The following XKR6 variants were observed in gnomAD, a reference collection of about 807,000 sequenced individuals.
XKR6 encodes the protein XK-related protein 6.
Under a neutral mutation model 56.7 loss-of-function variants are expected in XKR6, and 22 were observed. That is an observed-to-expected ratio of 0.39 (90% CI 0.28 to 0.55). The LOEUF (loss-of-function observed/expected upper bound fraction) is 0.55, where lower values mean the gene tolerates loss of function less well. Among genes scored for constraint, XKR6 ranks in the 20% least tolerant of loss-of-function variants. The pLI is 0.66. For synonymous variants in XKR6, 524 were observed against 387.8 expected, an observed-to-expected ratio of 1.35 and a Z score of -4.13; for missense variants, 852 against 889.0, an observed-to-expected ratio of 0.96 and a Z score of 0.53.
intron 1 of XKR6, among the ~76,000 whole-genome samples, chr8:11,019,774 C>T (rs1798708592): frequency 6.6e-6 from 1 of 152,204 alleles, no homozygotes; most frequent in Non-Finnish European, 1.5e-5. Flanking sequence ...CAACCTTCAG[C>T]TAAAAGTAGG....
chr8:11,009,435 TG>T (rs1192142595), intron 1 of XKR6, among the ~76,000 whole-genome samples: 1 of 152,102 alleles, frequency 6.6e-6, no homozygotes, highest in Non-Finnish European at 1.5e-5. Flanking sequence ...CACCTGAGCC[TG>T]GGGAAGTTGA....
chr8:10,984,726 C>CTATA (rs1403239181), intron 1 of XKR6, among the ~76,000 whole-genome samples: 138 of 70,242 alleles, frequency 2.0e-3, no homozygotes, highest in African/African-American at 7.0e-3. Context: ...CTCTCTCTCT[C>CTATA]TCTCTCTATA....
chr8:11,123,211 T>C (rs1226317938), intron 1 of XKR6, among the ~76,000 whole-genome samples: 1 of 139,104 alleles, frequency 7.2e-6, no homozygotes, highest in African/African-American at 2.7e-5. Context: ...CACTCCAGCC[T>C]GGGTGGCAGA....
intron 2 of XKR6, among the ~76,000 whole-genome samples, chr8:10,921,254 A>C (rs35950330): frequency 0.2 from 31,108 of 152,286 alleles, 3,467 homozygotes; most frequent in Non-Finnish European, 0.23. Context: ...AAGGACAGGC[A>C]TAACAAGGAG....
intron 1 of XKR6, among the ~76,000 whole-genome samples, chr8:10,945,587 C>T (rs939368966): frequency 2.0e-4 from 30 of 152,220 alleles, no homozygotes; most frequent in Non-Finnish European, 4.1e-4. Context: ...CCCAGAAGGA[C>T]AGAGACCAAG....
At chr8:11,017,378 C>T (rs1798649915) in intron 1 of XKR6, among the ~76,000 whole-genome samples, 1 of 152,240 alleles carries the variant, frequency 6.6e-6, no homozygotes, top group African/African-American at 2.4e-5. Context: ...GCTGCTTACG[C>T]CGGGCAAACT....
intron 1 of XKR6, among the ~76,000 whole-genome samples, chr8:11,036,270 A>T (rs1442713859): frequency 6.6e-6 from 1 of 152,200 alleles, no homozygotes; most frequent in East Asian, 1.9e-4. Context: ...CTTACCAGGC[A>T]GAGAGAGAAG....
At chr8:11,076,455 T>G (rs531804930) in intron 1 of XKR6, among the ~76,000 whole-genome samples, 1 of 152,242 alleles carries the variant, frequency 6.6e-6, no homozygotes, top group Admixed American at 6.5e-5. Flanking sequence ...GCCTGACCCT[T>G]ACCCCATCAG....
Position 11,200,546 on chromosome 8 carries a change from C to A in XKR6, c.764+30G>T, listed in dbSNP as rs1310619530. On this transcript the variant is annotated intron_variant, in intron 1 of 2. Coordinates refer to ENST00000416569, the MANE Select transcript of XKR6 (RefSeq NM_173683.4). The surrounding 1 kb of genome is among the most constrained non-coding windows in gnomAD (Gnocchi z 6.4). Reference sequence around the variant, plus strand: ...AGGGCGGAGGGGGGCTCCTCAGGGCCGGCCCGCCCCCACCCCGCAGTGCTC... The same window carrying A: ...AGGGCGGAGGGGGGCTCCTCAGGGCAGGCCCGCCCCCACCCCGCAGTGCTC... 4.9e-6 allele frequency: 7 copies of A among 1,435,510 alleles called. No homozygotes were observed. Among genetic ancestry groups the A allele is most frequent in the South Asian group, 1.5e-5 (1 of 66,042 alleles). The allele number at this position is 1,435,510 out of a possible 1,614,324, so 88.9% of individuals were successfully genotyped here.
chr8:11,058,685 C>A (rs1396491227), intron 1 of XKR6, among the ~76,000 whole-genome samples: 2 of 152,042 alleles, frequency 1.3e-5, no homozygotes, highest in African/African-American at 2.4e-5. Context: ...CGGAGCCTGT[C>A]GTGGGCTGGG....
chr8:11,077,311 T>C (rs1397379946), intron 1 of XKR6, among the ~76,000 whole-genome samples: 3 of 152,196 alleles, frequency 2.0e-5, no homozygotes, highest in Non-Finnish European at 2.9e-5. Flanking sequence ...ATTTCATTTT[T>C]TCAAGCACCA....
Position 11,200,474 on chromosome 8 carries a change from C to A in XKR6, c.764+102G>T, listed in dbSNP as rs930788733. On this transcript the variant is annotated intron_variant, in intron 1 of 2. Coordinates refer to ENST00000416569, the MANE Select transcript of XKR6 (RefSeq NM_173683.4). The surrounding 1 kb of genome is among the most constrained non-coding windows in gnomAD (Gnocchi z 6.4). ...GCGCGCGGCCGGTCCCTCCTTCGAG[C>A]CCCCCGCGCTGGGCCCTTTCGAGGG... The A allele has an allele frequency of 3.8e-6, 5 of 1,305,724 alleles. No individual in the cohort carries two copies. The South Asian group carries it at 8.6e-5, about 22-fold the overall frequency. 80.9% of individuals were successfully genotyped at this position (1,305,724 alleles called of 1,614,324 possible). A position where few individuals can be genotyped will look rare whatever the true frequency, so the allele number is the denominator to read the frequency against.
Position 10,953,915 on chromosome 8 carries a change from A to G in XKR6, c.765-29085T>C, listed in dbSNP as rs151198033. 6.3e-4 allele frequency among the ~76,000 whole-genome samples: 96 copies of G among 152,338 alleles called. 2 individuals carry two copies. The East Asian group carries it at 0.017, about 28-fold the overall frequency. On this transcript the variant is annotated intron_variant, in intron 1 of 2. Coordinates refer to ENST00000416569, the MANE Select transcript of XKR6 (RefSeq NM_173683.4). ...CATTTCATACAAATGGAATCATGCA[A>G]TATATGGCCTTTTGTGGCTGGCTTC... is the stretch of plus-strand genomic sequence containing the variant.
chr8:10,997,917 A>G (rs1798151421), intron 1 of XKR6, among the ~76,000 whole-genome samples: 1 of 152,150 alleles, frequency 6.6e-6, no homozygotes, highest in South Asian at 2.1e-4. Flanking sequence ...ATGCTGAGAG[A>G]CACCTGCAGT....
intron 1 of XKR6, among the ~76,000 whole-genome samples, chr8:11,158,864 G>T (rs972448790): frequency 3.9e-5 from 6 of 152,214 alleles, no homozygotes; most frequent in African/African-American, 1.4e-4. Context: ...ATAATTACCA[G>T]AACACTAATC....
At chr8:11,080,223 C>T (rs1428799622) in intron 1 of XKR6, among the ~76,000 whole-genome samples, 2 of 151,942 alleles carry the variant, frequency 1.3e-5, no homozygotes, top group Non-Finnish European at 2.9e-5. Context: ...ACCCTGGGCT[C>T]CCCTAGTCAT....
intron 1 of XKR6, among the ~76,000 whole-genome samples, chr8:10,940,660 C>T (rs1401822871): frequency 6.6e-6 from 1 of 152,190 alleles, no homozygotes; most frequent in Non-Finnish European, 1.5e-5. Flanking sequence ...CTCCCAAGAT[C>T]TCACCAGTGG....
intron 1 of XKR6, among the ~76,000 whole-genome samples, chr8:10,993,418 C>T (rs937398221): frequency 3.3e-5 from 5 of 152,174 alleles, no homozygotes; most frequent in Non-Finnish European, 4.4e-5. Context: ...AGGGAGGAGG[C>T]GGGGACCCAG....
intron 1 of XKR6, among the ~76,000 whole-genome samples, chr8:11,085,041 C>T (rs185814681): frequency 6.6e-6 from 1 of 152,306 alleles, no homozygotes; most frequent in East Asian, 1.9e-4. Flanking sequence ...CTCATCCCTC[C>T]ATCCAGCCTT....
Sources: allele counts gnomAD v4.1 joint callset (sites outside exome capture counted in the v4.1 genomes callset), GRCh38; gene constraint gnomAD v4.1.1; non-coding constraint Gnocchi (gnomAD v3.1); transcripts MANE v1.5; gene names NCBI Gene and HGNC (gene_info 2026-07-23, HGNC 2026-07-21).